Variants in RBFOX1 observed in about 807,000 individuals in gnomAD.
The protein encoded by RBFOX1 is RNA binding fox-1 homolog 1, also known as RNA binding protein fox-1 homolog 1.
Under a neutral mutation model 57.7 loss-of-function variants are expected in RBFOX1, and 8 were observed. That is an observed-to-expected ratio of 0.14 (90% CI 0.08 to 0.25). The LOEUF is 0.25. Among genes scored for constraint, RBFOX1 ranks in the 10% least tolerant of loss-of-function variants. RBFOX1 has a pLI of 1.00. For synonymous variants in RBFOX1, 326 were observed against 222.4 expected, an observed-to-expected ratio of 1.47 and a Z score of -4.15; for missense variants, 611 against 548.5, an observed-to-expected ratio of 1.11 and a Z score of -1.14.
chr16:6,345,275 A>C (rs2085201943), intron 2 of RBFOX1, among the ~76,000 whole-genome samples: 1 of 152,192 alleles, frequency 6.6e-6, no homozygotes, highest in Non-Finnish European at 1.5e-5. Flanking sequence ...TTATTGAAGC[A>C]ACTGCGTACT....
chr16:7,645,029 G>A (rs2063488766), intron 11 of RBFOX1, among the ~76,000 whole-genome samples: 1 of 152,166 alleles, frequency 6.6e-6, no homozygotes, highest in Non-Finnish European at 1.5e-5. Flanking sequence ...CCGAAGTCTA[G>A]CTGAAGTCGA....
At chr16:6,990,466 A>T (rs1230576251) in intron 3 of RBFOX1, among the ~76,000 whole-genome samples, 1 of 152,106 alleles carries the variant, frequency 6.6e-6, no homozygotes, top group East Asian at 1.9e-4. Flanking sequence ...TGGAGTTTGC[A>T]GTGAGTTGAG....
intron 4 of RBFOX1, among the ~76,000 whole-genome samples, chr16:5,977,079 G>C (rs369005329): frequency 1.3e-5 from 2 of 152,118 alleles, no homozygotes; most frequent in East Asian, 3.9e-4. Context: ...TCAGAGCCCA[G>C]GAATCTGCAT....
chr16:7,289,188 C>T (rs1185966887), intron 4 of RBFOX1, among the ~76,000 whole-genome samples: 1 of 152,164 alleles, frequency 6.6e-6, no homozygotes, highest in Non-Finnish European at 1.5e-5. Context: ...ATGGGTATTA[C>T]ATTTGCTTCC....
At chr16:5,786,033 C>T (rs1245727250) in intron 3 of RBFOX1, among the ~76,000 whole-genome samples, 1 of 152,202 alleles carries the variant, frequency 6.6e-6, no homozygotes, top group African/African-American at 2.4e-5. Flanking sequence ...TCATTAGGAT[C>T]CTTGGATCAT....
intron 4 of RBFOX1, among the ~76,000 whole-genome samples, chr16:7,247,381 A>T (rs952714555): frequency 2.6e-5 from 4 of 152,134 alleles, no homozygotes; most frequent in Non-Finnish European, 4.4e-5. Context: ...CTGCCCATGG[A>T]GGTGGAGAAG....
chr16:6,334,082 A>G (rs1057364075), intron 2 of RBFOX1, among the ~76,000 whole-genome samples: 4 of 152,188 alleles, frequency 2.6e-5, no homozygotes, highest in Non-Finnish European at 4.4e-5. Flanking sequence ...TTCCTTGATT[A>G]AAGAAGGAAA....
intron 3 of RBFOX1, among the ~76,000 whole-genome samples, chr16:6,983,103 T>C (rs1454546744): frequency 6.6e-6 from 1 of 151,720 alleles, no homozygotes; most frequent in Non-Finnish European, 1.5e-5. Context: ...AGACATGAGT[T>C]ACAGTTTTCC....
At chr16:6,493,839 C>T (rs567627260) in intron 2 of RBFOX1, among the ~76,000 whole-genome samples, 12 of 152,232 alleles carry the variant, frequency 7.9e-5, no homozygotes, top group African/African-American at 2.6e-4. Context: ...ACTGAATATA[C>T]GAAAGCTAGA....
At chr16:6,718,949 A>G (rs771051937) in intron 3 of RBFOX1, among the ~76,000 whole-genome samples, 3 of 151,768 alleles carry the variant, frequency 2.0e-5, no homozygotes, top group Admixed American at 6.6e-5. Flanking sequence ...TGCAGCTTCA[A>G]CCTCCGGGGC....
intron 1 of RBFOX1, among the ~76,000 whole-genome samples, chr16:5,242,146 C>G (rs189054098): frequency 6.6e-6 from 1 of 152,116 alleles, no homozygotes; most frequent in East Asian, 1.9e-4. Flanking sequence ...GACAGACAGA[C>G]CCACAAGTGT....
chr16:5,682,064 T>C (rs4786752), intron 3 of RBFOX1, among the ~76,000 whole-genome samples: 137,948 of 152,202 alleles, frequency 0.91, 63,271 homozygotes, highest in East Asian at 1. Context: ...TCTGGGGCTG[T>C]GATACATTCA....
intron 3 of RBFOX1, among the ~76,000 whole-genome samples, chr16:6,921,645 A>ATTTTT (rs372298051): frequency 4.7e-4 from 26 of 55,268 alleles, no homozygotes; most frequent in African/African-American, 1.4e-3. Context: ...ATATATATAT[A>ATTTTT]TTTTTTTTTT....
At chr16:7,217,913 T>C (rs1352810909) in intron 4 of RBFOX1, among the ~76,000 whole-genome samples, 1 of 151,698 alleles carries the variant, frequency 6.6e-6, no homozygotes, top group Non-Finnish European at 1.5e-5. Context: ...TGCATGTGTG[T>C]GTGTGAGTGT....
At chr16:5,409,315 C>G (rs1158050451) in intron 1 of RBFOX1, among the ~76,000 whole-genome samples, 1 of 152,198 alleles carries the variant, frequency 6.6e-6, no homozygotes, top group Non-Finnish European at 1.5e-5. Flanking sequence ...TGTGTCCACT[C>G]CTAGAGCTCA....
At position 5,903,592 on chromosome 16, in the gene RBFOX1, C is replaced by T. The variant is rs113848405; in HGVS notation, c.351+36257C>T. ...AGACAAAAACACTGTCTCTTGCAGC[C>T]GTGGGAGTGGTTTGCCCCCATTAGA... On this transcript the variant is annotated intron_variant, in intron 4 of 19. Coordinates refer to the RBFOX1 transcript ENST00000641259. Among the ~76,000 whole-genome samples the T allele has an allele frequency of 4.5e-3, 688 of 152,202 alleles. 8 individuals are homozygous for T. Among genetic ancestry groups the T allele is most frequent in the African/African-American group, 0.016 (649 of 41,536 alleles).
At chr16:7,152,150 T>C (rs1455996514) in intron 4 of RBFOX1, among the ~76,000 whole-genome samples, 1 of 152,186 alleles carries the variant, frequency 6.6e-6, no homozygotes, top group Admixed American at 6.5e-5. Flanking sequence ...TCTGTTTGGA[T>C]CACATCCTCA....
chr16:5,351,891 C>T (rs2065269741), intron 1 of RBFOX1, among the ~76,000 whole-genome samples: 1 of 152,192 alleles, frequency 6.6e-6, no homozygotes, highest in Admixed American at 6.5e-5. Flanking sequence ...GCAGCCTCTA[C>T]CTCCTGGGTT....
At chr16:7,005,107 G>T (rs2093181002) in intron 3 of RBFOX1, among the ~76,000 whole-genome samples, 1 of 152,124 alleles carries the variant, frequency 6.6e-6, no homozygotes, top group Non-Finnish European at 1.5e-5. Flanking sequence ...TCGCGTCATT[G>T]CACTCCAGCC....
Sources: allele counts gnomAD v4.1 joint callset (sites outside exome capture counted in the v4.1 genomes callset), GRCh38; gene constraint gnomAD v4.1.1; transcripts MANE v1.5; gene names NCBI Gene and HGNC (gene_info 2026-07-23, HGNC 2026-07-21).